The following KLHDC10 variants were observed in gnomAD, a reference collection of about 807,000 sequenced individuals.
KLHDC10 encodes kelch domain containing 10, also known as kelch domain-containing protein 10.
KLHDC10 carries 24 observed loss-of-function variants against 56.1 expected under a neutral mutation model. The observed-to-expected ratio is 0.43, with a 90% CI of 0.31 to 0.60. The LOEUF (loss-of-function observed/expected upper bound fraction) is 0.60, where lower values mean the gene tolerates loss of function less well. Ranked by LOEUF, KLHDC10 falls within the 20% of genes least tolerant of loss-of-function variation. The probability of loss-of-function intolerance (pLI) is 0.11; values close to 1 mark genes in which losing one functional copy is unlikely to be tolerated. For synonymous variants in KLHDC10, 188 were observed against 207.1 expected (o/e 0.91, Z 0.79); for missense variants, 349 against 567.0 (o/e 0.62, Z 3.91).
In KLHDC10 at chr7:130,131,268, TCTAA is replaced by T. The variant is rs1193219310; in HGVS notation, c.*525_*528del. On this transcript the variant is annotated 3_prime_UTR_variant, in exon 10 of 10. Transcript: ENST00000335420. ...TTTAACTTAGTGTTTTCAAGATGTG[TCTAA>T]CTGAGTAGTAGCTGGGTCTGATGGC... The T allele has an allele frequency of 6.4e-6, 1 of 157,424 alleles. No individual in the cohort carries two copies. 9.8% of individuals were successfully genotyped at this position (157,424 alleles called of 1,614,324 possible).
intron 1 of KLHDC10, among the ~76,000 whole-genome samples, chr7:130,077,879 T>A (rs1392683252): frequency 6.6e-6 from 1 of 151,944 alleles, no homozygotes; most frequent in Non-Finnish European, 1.5e-5. Context: ...CTTTTATAAC[T>A]TTTATGTGGT....
chr7:130,083,060 A>G (rs973030979), intron 1 of KLHDC10, among the ~76,000 whole-genome samples: 1 of 152,042 alleles, frequency 6.6e-6, no homozygotes, highest in Non-Finnish European at 1.5e-5. Context: ...TCTAACCCAC[A>G]TCTCTCTCTC....
At position 130,105,063 on chromosome 7, in the gene KLHDC10, TCA is replaced by T. The variant is rs1795990183; in HGVS notation, c.253+8059_253+8060del. Among the ~76,000 whole-genome samples, 11 of 152,180 alleles carry T rather than the reference TCA, an allele frequency of 7.2e-5. No individual in the cohort carries two copies. In the South Asian group the frequency reaches 2.3e-3, roughly 32 times the overall value. On this transcript the variant is annotated intron_variant, in intron 2 of 9. Coordinates refer to ENST00000335420, the MANE Select transcript of KLHDC10 (RefSeq NM_014997.4). ...GTAAAACCACGAGAGCTCTACAAAC[TCA>T]CAGGAATTGCTACATTAAAAAGACT...
chr7:130,086,719 T>G (rs1795696202), intron 1 of KLHDC10, among the ~76,000 whole-genome samples: 1 of 152,228 alleles, frequency 6.6e-6, no homozygotes, highest in African/African-American at 2.4e-5. Flanking sequence ...GTTGTGTGAA[T>G]GTGCTGTAAT....
chr7:130,127,682 A>T (rs1190246574), intron 8 of KLHDC10, among the ~76,000 whole-genome samples: 1 of 152,212 alleles, frequency 6.6e-6, no homozygotes, highest in African/African-American at 2.4e-5. Flanking sequence ...AATGGTGATA[A>T]ATAAGCTTTT....
chr7:130,082,076 G>A (rs898757301), intron 1 of KLHDC10, among the ~76,000 whole-genome samples: 1 of 152,200 alleles, frequency 6.6e-6, no homozygotes, highest in Non-Finnish European at 1.5e-5. Flanking sequence ...ACTTTGGAAG[G>A]CCGAGGCGGG....
chr7:130,091,761 T>A (rs917083243), intron 1 of KLHDC10, among the ~76,000 whole-genome samples: 1 of 152,196 alleles, frequency 6.6e-6, no homozygotes, highest in Non-Finnish European at 1.5e-5. Flanking sequence ...ATATTTAGAC[T>A]TAAAGGTTTT....
chr7:130,107,843 C>CAAAAAAAAAAAAAAAAAAAAAAA (rs3043725), intron 2 of KLHDC10, among the ~76,000 whole-genome samples: 2 of 26,036 alleles, frequency 7.7e-5, no homozygotes, highest in African/African-American at 2.3e-4. Flanking sequence ...GACTCCGTCT[C>CAAAAAAAAAAAAAAAAAAAAAAA]AAAAAAAAAA....
At chr7:130,096,701 G>T (rs928469991) in intron 1 of KLHDC10, among the ~76,000 whole-genome samples, 6 of 152,156 alleles carry the variant, frequency 3.9e-5, no homozygotes, top group African/African-American at 1.4e-4. Context: ...GCACAAAATT[G>T]TATTCTTTTG....
intron 2 of KLHDC10, among the ~76,000 whole-genome samples, chr7:130,097,882 G>A (rs1245397671): frequency 6.6e-6 from 1 of 151,960 alleles, no homozygotes; most frequent in African/African-American, 2.4e-5. Flanking sequence ...ACTGAAAAAA[G>A]AAAATCTCAA....
Position 130,129,439 on chromosome 7 carries a change from G to A in KLHDC10, c.982G>A (p.Val328Ile). Residue 328 changes from valine (V) to isoleucine (I), a missense_variant and splice_region_variant, in exon 9 of 10, where the codon GTA (valine) becomes ATA (isoleucine). This residue lies in a region of KLHDC10 where 245 missense variants were observed against 470.1 expected (regional missense o/e 0.52). Transcript: ENST00000335420. The part of the protein sequence containing the change: ...CHSCVQIKND[V>I]FICGGYNGEV... ...TTGGCTTTCTCTTTTCTTCATAGAT[G>A]TATTTATTTGTGGGGGCTATAATGG... The A allele has an allele frequency of 1.2e-6, 2 of 1,613,766 alleles. No individual in the cohort carries two copies. The highest frequency in any genetic ancestry group is 1.7e-6 in the Non-Finnish European group (2 of 1,179,948).
At chr7:130,125,771 A>G in intron 6 of KLHDC10, 94 bp from the exon 7 acceptor site, 1 of 1,015,154 alleles carries the variant, frequency 9.9e-7, no homozygotes, top group South Asian at 1.5e-5. Flanking sequence ...AAACTGCTTT[A>G]AAAAACAAAG....
chr7:130,083,727 G>A (rs1795641334), intron 1 of KLHDC10, among the ~76,000 whole-genome samples: 2 of 152,150 alleles, frequency 1.3e-5, no homozygotes. Flanking sequence ...TCCAGCCTGG[G>A]CGACAGTGAG....
rs138974253 is a variant in KLHDC10 at position 130,095,093 on chromosome 7, A to G, written c.167-1828A>G. Among the ~76,000 whole-genome samples the G allele has an allele frequency of 1.4e-3, 215 of 152,168 alleles. 1 individual carries two copies. The highest frequency in any genetic ancestry group is 5.0e-3 in the African/African-American group (208 of 41,548). On this transcript the variant is annotated intron_variant, in intron 1 of 9. Coordinates refer to ENST00000335420, the MANE Select transcript of KLHDC10 (RefSeq NM_014997.4). ...GGGAAGTTTCTTATATATTTAATGT[A>G]TCCTTTGACAGTGTGGTTTACAATT...
At chr7:130,071,243 C>T (rs900870951) in intron 1 of KLHDC10, among the ~76,000 whole-genome samples, 5 of 152,238 alleles carry the variant, frequency 3.3e-5, no homozygotes, top group East Asian at 3.9e-4. Flanking sequence ...GTAAAAACTA[C>T]ACGGGGCGTG....
At chr7:130,109,651 T>G (rs753674764) in intron 2 of KLHDC10, among the ~76,000 whole-genome samples, 65 of 152,196 alleles carry the variant, frequency 4.3e-4, no homozygotes, top group Non-Finnish European at 7.1e-4. Flanking sequence ...TTTGTTTGTT[T>G]GTTTTGAGAC....
intron 2 of KLHDC10, among the ~76,000 whole-genome samples, chr7:130,100,299 C>T (rs1795912232): frequency 6.6e-6 from 1 of 152,272 alleles, no homozygotes; most frequent in East Asian, 1.9e-4. Context: ...GGCCTCTCCC[C>T]TCTTTGTTCT....
At chr7:130,124,076 A>G (rs1796284369) in intron 5 of KLHDC10, among the ~76,000 whole-genome samples, 1 of 152,246 alleles carries the variant, frequency 6.6e-6, no homozygotes, top group Non-Finnish European at 1.5e-5. Flanking sequence ...ACAAATTAGC[A>G]AAATGAAGAA....
intron 1 of KLHDC10, among the ~76,000 whole-genome samples, chr7:130,077,885 G>A (rs1434581558): frequency 1.3e-5 from 2 of 151,874 alleles, no homozygotes; most frequent in African/African-American, 2.4e-5. Context: ...TAACTTTTAT[G>A]TGGTTGTTTG....
Sources: allele counts gnomAD v4.1 joint callset (sites outside exome capture counted in the v4.1 genomes callset), GRCh38; gene constraint gnomAD v4.1.1; regional missense constraint gnomAD v4.1.1; transcripts MANE v1.5; gene names NCBI Gene and HGNC (gene_info 2026-07-23, HGNC 2026-07-21).